Variants in ITGB8 observed in about 807,000 individuals in gnomAD.
ITGB8 encodes integrin beta-8.
ITGB8 carries 30 observed loss-of-function variants against 89.5 expected under a neutral mutation model. The observed-to-expected ratio is 0.34, with a 90% confidence interval of 0.25 to 0.45. The LOEUF is 0.45. Ranked by LOEUF, ITGB8 falls within the 20% of genes least tolerant of loss-of-function variation. The pLI, the probability that ITGB8 is intolerant of heterozygous loss-of-function variation, is 1.00. For missense variants in ITGB8, 836 were observed against 933.3 expected (o/e 0.90, Z 1.36); for synonymous variants, 335 against 320.4 (o/e 1.05, Z -0.49).
chr7:20,392,404 A>G (rs1235785730), intron 7 of ITGB8, among the ~76,000 whole-genome samples: 1 of 152,196 alleles, frequency 6.6e-6, no homozygotes, highest in East Asian at 1.9e-4. Context: ...ACTTGAACCC[A>G]TTTCCATTTG....
chr7:20,330,642 C>G (rs1784343497), upstream of ITGB8: 1 of 152,374 alleles, frequency 6.6e-6, no homozygotes. Flanking sequence ...GTGTGGGCCG[C>G]GGTGACTTCA....
intron 3 of ITGB8, among the ~76,000 whole-genome samples, chr7:20,370,168 T>C (rs1462911400): frequency 6.6e-6 from 1 of 151,904 alleles, no homozygotes; most frequent in African/African-American, 2.4e-5. Flanking sequence ...GAGCTGGTTC[T>C]CTGTAAAGTC....
At position 20,415,724 on chromosome 7, in the gene ITGB8, T is replaced by C. The variant is rs1787903931; in HGVS notation, c.*5727T>C. On this transcript the variant is annotated 3_prime_UTR_variant, in exon 14 of 14. Transcript: ENST00000222573. The stretch of plus-strand genomic sequence containing the variant: ...GTAGGTGTTAATCAATATGAAATTC[T>C]CTGTTTTAAAATAAAAATGTAAAAA... The C allele has an allele frequency of 6.6e-6, 1 of 152,446 alleles. No homozygotes were observed. The highest frequency in any genetic ancestry group is 2.1e-4 in the South Asian group (1 of 4,838). The allele number at this position is 152,446 out of a possible 1,614,324, so 9.4% of individuals were successfully genotyped here.
At chr7:20,351,300 A>T (rs1785105218) in intron 1 of ITGB8, among the ~76,000 whole-genome samples, 1 of 152,226 alleles carries the variant, frequency 6.6e-6, no homozygotes, top group African/African-American at 2.4e-5. Context: ...CACCTAAGAC[A>T]GTGTTTACAA....
intron 2 of ITGB8, chr7:20,366,441 A>T (rs1018129040): frequency 6.6e-6 from 1 of 152,272 alleles, no homozygotes; most frequent in Non-Finnish European, 1.5e-5. Context: ...CCAGAATACT[A>T]TATTAAATTG....
intron 10 of ITGB8, among the ~76,000 whole-genome samples, chr7:20,403,661 T>A (rs745604943): frequency 1.0e-3 from 151 of 151,568 alleles, no homozygotes; most frequent in African/African-American, 3.3e-3. Flanking sequence ...GGTCCTACAG[T>A]AGAATCTGTG....
intron 1 of ITGB8, among the ~76,000 whole-genome samples, chr7:20,359,237 G>T (rs1412602450): frequency 1.3e-5 from 2 of 152,124 alleles, no homozygotes; most frequent in Non-Finnish European, 2.9e-5. Context: ...CACAAGAGGA[G>T]GATCTGAGGA....
chr7:20,353,282 T>G (rs1021135309), intron 1 of ITGB8: 5 of 152,216 alleles, frequency 3.3e-5, no homozygotes, highest in Non-Finnish European at 7.3e-5. Flanking sequence ...CATAAATTAC[T>G]CACTATGTAA....
At chr7:20,339,602 A>C (rs1216165384) in intron 1 of ITGB8, among the ~76,000 whole-genome samples, 1 of 152,218 alleles carries the variant, frequency 6.6e-6, no homozygotes, top group Non-Finnish European at 1.5e-5. Flanking sequence ...TCCTTAACTA[A>C]TATTAGTTTA....
In ITGB8 at chr7:20,406,182, G is replaced by T; in HGVS notation, c.2023+11G>T. 1 of 1,465,442 alleles carries T rather than the reference G, an allele frequency of 6.8e-7. No individual in the cohort carries two copies. The allele number at this position is 1,465,442 out of a possible 1,614,324, so 90.8% of individuals were successfully genotyped here. On this transcript the variant is annotated intron_variant, in intron 12 of 13. Transcript: ENST00000222573. Reference sequence around the variant, plus strand: ...TCGACCAAACTTCAGGTAGGCCAAAGCTTAATAATCAAAGCACAGAAGAGT... The same window carrying T: ...TCGACCAAACTTCAGGTAGGCCAAATCTTAATAATCAAAGCACAGAAGAGT...
intron 6 of ITGB8, among the ~76,000 whole-genome samples, chr7:20,388,350 C>T (rs1027615592): frequency 2.6e-5 from 4 of 152,104 alleles, no homozygotes; most frequent in African/African-American, 9.7e-5. Context: ...GTGATGTCAC[C>T]AGAACAGGAG....
At chr7:20,347,432 C>A (rs536936987) in intron 1 of ITGB8, among the ~76,000 whole-genome samples, 1 of 151,846 alleles carries the variant, frequency 6.6e-6, no homozygotes, top group Non-Finnish European at 1.5e-5. Context: ...AGCAAATGAT[C>A]GATAAGGAAG....
chr7:20,390,141 A>G (rs1786796094), intron 6 of ITGB8, among the ~76,000 whole-genome samples: 2 of 152,136 alleles, frequency 1.3e-5, no homozygotes, highest in African/African-American at 2.4e-5. Context: ...GTTTAACAGG[A>G]TTTTTCCTTA....
Position 20,409,865 on chromosome 7 carries a change from C to T in ITGB8, c.2188-10C>T. The T allele has an allele frequency of 6.2e-7, 1 of 1,612,350 alleles. No individual in the cohort carries two copies. Among genetic ancestry groups the T allele is most frequent in the Non-Finnish European group, 8.5e-7 (1 of 1,179,266 alleles). On this transcript the variant is annotated splice_polypyrimidine_tract_variant and intron_variant, in intron 13 of 13. Coordinates refer to ENST00000222573, the MANE Select transcript of ITGB8 (RefSeq NM_002214.3). ...CCCTTAGTTAATAATAATATTTCTTCTCTATTAAGGATAAGTTGATTCTGC... is the reference window on the plus strand; with the variant it reads ...CCCTTAGTTAATAATAATATTTCTTTTCTATTAAGGATAAGTTGATTCTGC...
intron 2 of ITGB8, among the ~76,000 whole-genome samples, chr7:20,364,087 A>G (rs931697370): frequency 2.0e-5 from 3 of 152,292 alleles, no homozygotes; most frequent in Non-Finnish European, 2.9e-5. Flanking sequence ...GTTGTTCAAA[A>G]TAAGTGTTTT....
At chr7:20,373,056 C>G (rs1457619654) in intron 3 of ITGB8, among the ~76,000 whole-genome samples, 2 of 152,068 alleles carry the variant, frequency 1.3e-5, no homozygotes, top group Non-Finnish European at 2.9e-5. Context: ...ATGCATTGAG[C>G]TCTTAATATT....
Position 20,404,714 on chromosome 7 carries a change from C to G in ITGB8, c.1774C>G (p.His592Asp), listed in dbSNP as rs148463159. 7 of 1,614,070 alleles carry G rather than the reference C, an allele frequency of 4.3e-6. No individual in the cohort carries two copies. In the African/African-American group the frequency reaches 8.0e-5, roughly 18 times the overall value. ...RCQCPSAAAQHCVNSKGQVCS... is the reference protein window; with the variant it reads ...RCQCPSAAAQDCVNSKGQVCS... Reference sequence around the variant, plus strand: ...CCAGTGCCCTTCAGCAGCAGCCCAGCACTGTGTCAATTCAAAGGGCCAAGT... The same window carrying G: ...CCAGTGCCCTTCAGCAGCAGCCCAGGACTGTGTCAATTCAAAGGGCCAAGT... The change falls in exon 11 of 14, where the codon CAC (histidine) becomes GAC (aspartate). Residue 592 changes from histidine to aspartate, a missense_variant. By Grantham distance (81) the His-to-Asp change is moderately conservative (BLOSUM62 -1). Around this residue, in one of 5 missense-constraint regions of ITGB8, gnomAD observed 422 missense variants for 416.9 expected, o/e 1.01. Coordinates refer to ENST00000222573, the MANE Select transcript of ITGB8 (RefSeq NM_002214.3).
intron 8 of ITGB8, among the ~76,000 whole-genome samples, chr7:20,396,671 G>A (rs537860623): frequency 1.3e-5 from 2 of 152,280 alleles, no homozygotes; most frequent in Non-Finnish European, 1.5e-5. Flanking sequence ...TCAGTAGTCT[G>A]TTCCCAAGAA....
intron 1 of ITGB8, among the ~76,000 whole-genome samples, chr7:20,338,834 C>T (rs988129245): frequency 6.6e-6 from 1 of 152,230 alleles, no homozygotes; most frequent in East Asian, 1.9e-4. Context: ...AATCATGTTA[C>T]AATGAGAGTC....
Sources: gnomAD v4.1 joint callset for allele counts (sites outside exome capture counted in the v4.1 genomes callset) on GRCh38, gnomAD v4.1.1 for gene constraint, gnomAD v4.1.1 regional missense constraint, MANE v1.5 for transcripts, NCBI Gene and HGNC (gene_info 2026-07-23, HGNC 2026-07-21) for gene names.